The following GPATCH8 variants were observed in gnomAD, a reference collection of about 807,000 sequenced individuals.
The protein encoded by GPATCH8 is G patch domain-containing protein 8.
In GPATCH8, 18 loss-of-function variants were observed where a neutral mutation model predicts 118.3. The ratio of observed to expected loss-of-function variants is 0.15; its 90% confidence interval spans 0.11 to 0.23. The LOEUF is 0.23. GPATCH8 is among the 10% of genes least tolerant of loss of function. The pLI, the probability that GPATCH8 is intolerant of heterozygous loss-of-function variation, is 1.00. For synonymous variants in GPATCH8, 659 were observed against 684.7 expected (o/e 0.96, Z 0.59); for missense variants, 1,631 against 1,873.8 (o/e 0.87, Z 2.39).
chr17:44,446,164 G>C (rs994908380), intron 3 of GPATCH8, among the ~76,000 whole-genome samples: 1 of 151,856 alleles, frequency 6.6e-6, no homozygotes. Flanking sequence ...TGCCCAGGCT[G>C]GTTTCAAACT....
At chr17:44,452,878 G>A (rs2051168926) in intron 3 of GPATCH8, among the ~76,000 whole-genome samples, 1 of 151,052 alleles carries the variant, frequency 6.6e-6, no homozygotes, top group African/African-American at 2.4e-5. Flanking sequence ...AGGCTGGAGT[G>A]CAGTGGCATG....
intron 3 of GPATCH8, among the ~76,000 whole-genome samples, chr17:44,449,982 C>T (rs1458413513): frequency 6.6e-6 from 1 of 152,140 alleles, no homozygotes; most frequent in Non-Finnish European, 1.5e-5. Flanking sequence ...TTTTAAGTGG[C>T]ATTATGTCTT....
intron 1 of GPATCH8, chr17:44,486,882 G>C (rs1343547903): frequency 1.3e-5 from 2 of 152,116 alleles, no homozygotes; most frequent in African/African-American, 2.4e-5. Context: ...CTTTCAGATA[G>C]ACAGACTTTA....
At chr17:44,413,145 T>C (rs1443840137) in intron 6 of GPATCH8, among the ~76,000 whole-genome samples, 2 of 152,190 alleles carry the variant, frequency 1.3e-5, no homozygotes, top group African/African-American at 4.8e-5. Context: ...ATATGCCTAT[T>C]AGTAAGTGAT....
At chr17:44,501,930 ATG>A (rs1295945617) in intron 1 of GPATCH8, among the ~76,000 whole-genome samples, 3 of 150,844 alleles carry the variant, frequency 2.0e-5, no homozygotes, top group Non-Finnish European at 3.0e-5. Flanking sequence ...ATATATATAT[ATG>A]TGTGTATATA....
chr17:44,458,477 T>C (rs568485136), intron 3 of GPATCH8, among the ~76,000 whole-genome samples: 22 of 152,246 alleles, frequency 1.4e-4, no homozygotes, highest in African/African-American at 5.3e-4. Context: ...ACAGATATTT[T>C]CCCCAGTCTG....
rs560475684 is a variant in GPATCH8 at position 44,428,605 on chromosome 17, C to T, written c.349-4113G>A. ...ACAGCTTGAGCCTAGGAGTTCAAAA[C>T]CAGCCTGGGCAACATGGTGAAACCC... On this transcript the variant is annotated intron_variant, in intron 5 of 7. Coordinates refer to ENST00000591680, the MANE Select transcript of GPATCH8 (RefSeq NM_001002909.4). Among the ~76,000 whole-genome samples, 6 of 151,708 alleles carry T rather than the reference C, an allele frequency of 4.0e-5. No homozygotes were observed. In the South Asian group the frequency reaches 1.2e-3, roughly 32 times the overall value.
At chr17:44,462,195 T>C (rs981299430) in intron 3 of GPATCH8, among the ~76,000 whole-genome samples, 8 of 152,180 alleles carry the variant, frequency 5.3e-5, no homozygotes, top group Non-Finnish European at 7.3e-5. Context: ...TGCTAGCCAC[T>C]ATGAACCAGC....
intron 4 of GPATCH8, among the ~76,000 whole-genome samples, 155 bp from the exon 5 acceptor site, chr17:44,435,306 A>T (rs1598482272): frequency 6.6e-6 from 1 of 152,272 alleles, no homozygotes; most frequent in Non-Finnish European, 1.5e-5. Context: ...CTCACAGAGA[A>T]AATCACATGC....
At chr17:44,498,939 AG>A (rs1969863382) in intron 1 of GPATCH8, among the ~76,000 whole-genome samples, 1 of 152,226 alleles carries the variant, frequency 6.6e-6, no homozygotes. Flanking sequence ...GAATTTCCTA[AG>A]GGTCACATAC....
intron 6 of GPATCH8, among the ~76,000 whole-genome samples, chr17:44,417,322 T>C (rs2049723364): frequency 1.3e-5 from 2 of 152,156 alleles, no homozygotes; most frequent in Non-Finnish European, 2.9e-5. Context: ...AATCATGTAT[T>C]AATAGACTCA....
At chr17:44,411,114 G>A (rs2049412924) in intron 6 of GPATCH8, among the ~76,000 whole-genome samples, 1 of 152,154 alleles carries the variant, frequency 6.6e-6, no homozygotes, top group Non-Finnish European at 1.5e-5. Context: ...CTCTTTAAGT[G>A]TAGACTTCAA....
chr17:44,426,924 T>C (rs994557859), intron 5 of GPATCH8, among the ~76,000 whole-genome samples: 2 of 151,906 alleles, frequency 1.3e-5, no homozygotes, highest in African/African-American at 4.8e-5. Flanking sequence ...CAATAAATAC[T>C]ATAAGATATC....
chr17:44,422,274 T>C lies in GPATCH8; in HGVS notation c.492+2075A>G, dbSNP rs1598448724. Among the ~76,000 whole-genome samples, 5 of 151,998 alleles carry C rather than the reference T, an allele frequency of 3.3e-5. 1 individual carries two copies. In the South Asian group the frequency reaches 1.0e-3, roughly 32 times the overall value. On this transcript the variant is annotated intron_variant, in intron 6 of 7. Coordinates refer to ENST00000591680, the MANE Select transcript of GPATCH8 (RefSeq NM_001002909.4). ...ATGGCTCACTGCAACCTCAAACTCC[T>C]GGGCTCAAGCGATTCTAACACCTCG...
chr17:44,457,023 C>G (rs535254749), intron 3 of GPATCH8, among the ~76,000 whole-genome samples: 1 of 152,004 alleles, frequency 6.6e-6, no homozygotes, highest in South Asian at 2.1e-4. Flanking sequence ...CCACCACACC[C>G]AGCTAATTTT....
chr17:44,482,573 CAAAAAAA>C (rs376299230), intron 1 of GPATCH8, among the ~76,000 whole-genome samples: 1 of 97,086 alleles, frequency 1.0e-5, no homozygotes, highest in Non-Finnish European at 2.1e-5. Flanking sequence ...GACTCCATCT[CAAAAAAA>C]AAAAAAAAAA....
At position 44,410,374 on chromosome 17, in the gene GPATCH8, T is replaced by C. The variant is rs555616347; in HGVS notation, c.493-4323A>G. On this transcript the variant is annotated intron_variant, in intron 6 of 7. Coordinates refer to ENST00000591680, the MANE Select transcript of GPATCH8 (RefSeq NM_001002909.4). ...CTCACAAGACCAAACACTGCAGATATGTCATCAATCTCTTGTCAAAGTCTG... is the reference window on the plus strand; with the variant it reads ...CTCACAAGACCAAACACTGCAGATACGTCATCAATCTCTTGTCAAAGTCTG... Among the ~76,000 whole-genome samples, 97 of 152,314 alleles carry C rather than the reference T, an allele frequency of 6.4e-4. 2 individuals carry two copies. Among genetic ancestry groups the C allele is most frequent in the Middle Eastern group, 6.8e-3 (2 of 294 alleles).
chr17:44,483,154 C>CAAAAAA (rs1178488342), intron 1 of GPATCH8, among the ~76,000 whole-genome samples: 1 of 844 alleles, frequency 1.2e-3, no homozygotes, highest in African/African-American at 3.6e-3. Context: ...GACTCCGTCT[C>CAAAAAA]AAAAAAAAAA....
intron 7 of GPATCH8, among the ~76,000 whole-genome samples, chr17:44,401,833 GTC>G (rs1199937218): frequency 6.6e-6 from 1 of 151,814 alleles, no homozygotes; most frequent in Non-Finnish European, 1.5e-5. Flanking sequence ...GTGAAACCCT[GTC>G]TCTACTAAAA....
Sources: allele counts gnomAD v4.1 joint callset (sites outside exome capture counted in the v4.1 genomes callset), GRCh38; gene constraint gnomAD v4.1.1; transcripts MANE v1.5; gene names NCBI Gene and HGNC (gene_info 2026-07-23, HGNC 2026-07-21).